CNTNAP2: variants seen among roughly 807,000 people sequenced by gnomAD.
CNTNAP2 encodes the protein contactin-associated protein-like 2.
A neutral mutation model predicts 155.2 loss-of-function variants in CNTNAP2; 98 were observed. The ratio of observed to expected loss-of-function variants is 0.63; its 90% CI spans 0.54 to 0.75. The LOEUF (loss-of-function observed/expected upper bound fraction) is 0.75, where lower values mean the gene tolerates loss of function less well. Ranked by LOEUF, CNTNAP2 falls within the 30% of genes least tolerant of loss-of-function variation. The probability of loss-of-function intolerance (pLI) is 0.00; values close to 1 mark genes in which losing one functional copy is unlikely to be tolerated. For synonymous variants in CNTNAP2, 651 were observed against 631.2 expected (o/e 1.03, Z -0.47); for missense variants, 1,727 against 1,688.1 (o/e 1.02, Z -0.40).
chr7:148,102,309 C>CT (rs750909566), intron 15 of CNTNAP2, among the ~76,000 whole-genome samples: 5 of 152,294 alleles, frequency 3.3e-5, no homozygotes, highest in Non-Finnish European at 7.4e-5. Flanking sequence ...TGATCTCATT[C>CT]TTTTTTATGG....
intron 3 of CNTNAP2, among the ~76,000 whole-genome samples, chr7:146,994,532 C>T (rs760610934): frequency 6.6e-6 from 1 of 152,058 alleles, no homozygotes; most frequent in East Asian, 1.9e-4. Context: ...AGCAAATTTG[C>T]GAAATTATTT....
In CNTNAP2 at chr7:148,214,728, G is replaced by A. The variant is rs1168921858; in HGVS notation, c.3011-2560G>A. ...TAGGACTACAGGCACCTACCACCAC[G>A]CCTGGCTAATTTTTGTATTTTTAGT... is the stretch of plus-strand genomic sequence containing the variant. On this transcript the variant is annotated intron_variant, in intron 18 of 23. Coordinates refer to ENST00000361727, the MANE Select transcript of CNTNAP2 (RefSeq NM_014141.6). 3.3e-5 allele frequency among the ~76,000 whole-genome samples: 5 copies of A among 151,944 alleles called. No homozygotes were observed. In the South Asian group the frequency reaches 6.2e-4, roughly 19 times the overall value.
At chr7:147,737,306 T>C (rs907572376) in intron 13 of CNTNAP2, among the ~76,000 whole-genome samples, 16 of 152,302 alleles carry the variant, frequency 1.1e-4, no homozygotes, top group Admixed American at 9.2e-4. Context: ...CCTGTTTGCC[T>C]GGGTATCAGC....
intron 9 of CNTNAP2, among the ~76,000 whole-genome samples, chr7:147,302,722 C>G (rs1261856117): frequency 6.6e-6 from 1 of 152,272 alleles, no homozygotes; most frequent in East Asian, 1.9e-4. Context: ...GCACACATGC[C>G]TTTTAGATTC....
chr7:147,838,348 A>G (rs1003259853), intron 13 of CNTNAP2, among the ~76,000 whole-genome samples: 1 of 152,176 alleles, frequency 6.6e-6, no homozygotes, highest in Non-Finnish European at 1.5e-5. Flanking sequence ...TCGGCTCCTC[A>G]TTACTTATCC....
intron 15 of CNTNAP2, among the ~76,000 whole-genome samples, chr7:148,101,045 C>T (rs1329479122): frequency 1.3e-5 from 2 of 150,326 alleles, no homozygotes; most frequent in African/African-American, 2.4e-5. Flanking sequence ...AAACCAAACA[C>T]CACCGCATGT....
intron 3 of CNTNAP2, among the ~76,000 whole-genome samples, chr7:146,947,412 A>C (rs28529586): frequency 0.41 from 44,501 of 107,972 alleles, 7,759 homozygotes; most frequent in East Asian, 0.64. Context: ...CTCTCTCTCT[A>C]TATATATATA....
chr7:147,427,709 A>AT (rs1303995299), intron 10 of CNTNAP2, among the ~76,000 whole-genome samples: 1 of 152,060 alleles, frequency 6.6e-6, no homozygotes, highest in African/African-American at 2.4e-5. Context: ...AAAAATAGAT[A>AT]TTTTTCAGAG....
chr7:146,720,572 C>T (rs1339656737), intron 1 of CNTNAP2, among the ~76,000 whole-genome samples: 2 of 151,962 alleles, frequency 1.3e-5, no homozygotes, highest in Non-Finnish European at 2.9e-5. Flanking sequence ...AGGATAACTG[C>T]AAATGTTGAA....
chr7:146,728,915 A>C (rs1801478509), intron 1 of CNTNAP2, among the ~76,000 whole-genome samples: 1 of 152,216 alleles, frequency 6.6e-6, no homozygotes, highest in Admixed American at 6.5e-5. Flanking sequence ...TATTTAGCAT[A>C]GATCAACTGG....
At chr7:147,154,215 T>A (rs1801879848) in intron 8 of CNTNAP2, among the ~76,000 whole-genome samples, 1 of 152,080 alleles carries the variant, frequency 6.6e-6, no homozygotes, top group Admixed American at 6.5e-5. Flanking sequence ...CTGGATAAAG[T>A]GGTTTTAATT....
rs117669788 is a variant in CNTNAP2 at position 146,416,362 on chromosome 7, C to T, written c.97+299389C>T. On this transcript the variant is annotated intron_variant, in intron 1 of 23. Coordinates refer to ENST00000361727, the MANE Select transcript of CNTNAP2 (RefSeq NM_014141.6). The stretch of plus-strand genomic sequence containing the variant: ...TCCACATTTTGACCTGCTCCATTTC[C>T]GACCTGGGTCAGTTTGCCTCTCGTT... Among the ~76,000 whole-genome samples, 430 of 151,856 alleles carry T rather than the reference C, an allele frequency of 2.8e-3. 12 individuals are homozygous for T. The East Asian group carries it at 0.039, about 14-fold the overall frequency.
chr7:147,800,223 G>A (rs1001326297), intron 13 of CNTNAP2, among the ~76,000 whole-genome samples: 2 of 152,054 alleles, frequency 1.3e-5, no homozygotes, highest in African/African-American at 2.4e-5. Context: ...CTGTGTGCTG[G>A]ATAAAAATCT....
intron 1 of CNTNAP2, among the ~76,000 whole-genome samples, chr7:146,507,191 A>C (rs1797397021): frequency 6.6e-6 from 1 of 152,102 alleles, no homozygotes; most frequent in Non-Finnish European, 1.5e-5. Context: ...TCACACTCTC[A>C]CAAGCCTGAA....
chr7:146,778,286 T>A (rs577471305), intron 2 of CNTNAP2, among the ~76,000 whole-genome samples: 1 of 152,236 alleles, frequency 6.6e-6, no homozygotes, highest in African/African-American at 2.4e-5. Flanking sequence ...TATATTCAAA[T>A]GACAGATTGT....
At chr7:146,222,509 A>T (rs1799222058) in intron 1 of CNTNAP2, among the ~76,000 whole-genome samples, 1 of 151,264 alleles carries the variant, frequency 6.6e-6, no homozygotes, top group South Asian at 2.1e-4. Context: ...AATTTCCCTA[A>T]ACATTCAGTT....
At chr7:148,008,885 G>A (rs4725757) in intron 15 of CNTNAP2, among the ~76,000 whole-genome samples, 110,345 of 152,170 alleles carry the variant, frequency 0.73, 40,479 homozygotes, top group East Asian at 0.85. Context: ...GTTTTGTAAA[G>A]TGTTATATGG....
At chr7:146,231,375 A>G (rs966119806) in intron 1 of CNTNAP2, among the ~76,000 whole-genome samples, 1 of 152,030 alleles carries the variant, frequency 6.6e-6, no homozygotes, top group African/African-American at 2.4e-5. Flanking sequence ...GCTCTACTCT[A>G]CTTCTGCATC....
intron 13 of CNTNAP2, among the ~76,000 whole-genome samples, chr7:147,658,674 G>A (rs1193498256): frequency 6.6e-6 from 1 of 152,190 alleles, no homozygotes; most frequent in Non-Finnish European, 1.5e-5. Flanking sequence ...GGAACAAGAG[G>A]AGTAAATGAT....
Sources: allele counts gnomAD v4.1 joint callset (sites outside exome capture counted in the v4.1 genomes callset), GRCh38; gene constraint gnomAD v4.1.1; transcripts MANE v1.5; gene names NCBI Gene and HGNC (gene_info 2026-07-23, HGNC 2026-07-21).